THSD7B: variants seen among roughly 807,000 people sequenced by gnomAD.
THSD7B encodes thrombospondin type-1 domain-containing protein 7B.
THSD7B carries 138 observed loss-of-function variants against 213.6 expected under a neutral mutation model. That is an observed-to-expected ratio of 0.65 (90% CI 0.56 to 0.74). THSD7B has a LOEUF of 0.74. Among genes scored for constraint, THSD7B ranks in the 30% least tolerant of loss-of-function variants. The pLI, the probability that THSD7B is intolerant of heterozygous loss-of-function variation, is 0.00. For synonymous variants in THSD7B, 742 were observed against 687.0 expected (o/e 1.08, Z -1.25); for missense variants, 1,931 against 1,991.5 (o/e 0.97, Z 0.58).
intron 2 of THSD7B, among the ~76,000 whole-genome samples, chr2:137,031,904 T>C (rs1449970579): frequency 6.7e-6 from 1 of 150,070 alleles, no homozygotes; most frequent in Non-Finnish European, 1.5e-5. Flanking sequence ...TGCAGTGACA[T>C]GCTCACCGCT....
At chr2:137,217,025 C>T (rs1475975596) in intron 7 of THSD7B, among the ~76,000 whole-genome samples, 1 of 152,090 alleles carries the variant, frequency 6.6e-6, no homozygotes, top group African/African-American at 2.4e-5. Context: ...AATGAGAGCC[C>T]CTTTTGCAAA....
chr2:137,624,265 G>A (rs748180047), intron 20 of THSD7B, among the ~76,000 whole-genome samples: 2 of 152,206 alleles, frequency 1.3e-5, no homozygotes, highest in Non-Finnish European at 2.9e-5. Context: ...TGGGAAAACT[G>A]GCCAGCCAGA....
intron 3 of THSD7B, among the ~76,000 whole-genome samples, chr2:137,077,763 C>G (rs963317012): frequency 1.3e-5 from 2 of 149,450 alleles, no homozygotes; most frequent in African/African-American, 5.1e-5. Context: ...AATTTTCTCC[C>G]ATTCCATAGG....
At position 137,356,252 on chromosome 2, in the gene THSD7B, G is replaced by A. The variant is rs138241270; in HGVS notation, c.2501-49361G>A. ...ACGTACCAGGGCTATACCTATGCCCGCTCAGGGCTACTTTCATGATCCACC... is the reference window on the plus strand; with the variant it reads ...ACGTACCAGGGCTATACCTATGCCCACTCAGGGCTACTTTCATGATCCACC... On this transcript the variant is annotated intron_variant, in intron 12 of 27. Transcript: ENST00000409968. Among the ~76,000 whole-genome samples, 665 of 152,164 alleles carry A rather than the reference G, an allele frequency of 4.4e-3. 4 individuals are homozygous for A. The highest frequency in any genetic ancestry group is 0.016 in the African/African-American group (644 of 41,500).
chr2:137,327,817 T>C (rs1684406181), intron 12 of THSD7B, among the ~76,000 whole-genome samples: 1 of 152,248 alleles, frequency 6.6e-6, no homozygotes. Context: ...ACAGTATTAA[T>C]TAATTATTGT....
chr2:137,149,975 C>T (rs982919861), intron 5 of THSD7B, among the ~76,000 whole-genome samples: 12 of 152,160 alleles, frequency 7.9e-5, no homozygotes, highest in African/African-American at 2.7e-4. Context: ...GGTGCAGTGG[C>T]TCACGCCTGT....
chr2:136,783,118 T>C (rs1475860387), intron 1 of THSD7B, among the ~76,000 whole-genome samples: 1 of 152,202 alleles, frequency 6.6e-6, no homozygotes, highest in Non-Finnish European at 1.5e-5. Flanking sequence ...GTGTTTGCTT[T>C]TGCTCATGTT....
At chr2:137,433,330 G>A (rs1687224819) in intron 14 of THSD7B, among the ~76,000 whole-genome samples, 1 of 151,568 alleles carries the variant, frequency 6.6e-6, no homozygotes, top group Admixed American at 6.6e-5. Context: ...GAACCAATAG[G>A]AATACAATAT....
chr2:137,015,892 C>G (rs765654477), intron 2 of THSD7B, among the ~76,000 whole-genome samples: 4 of 152,062 alleles, frequency 2.6e-5, no homozygotes, highest in Non-Finnish European at 5.9e-5. Flanking sequence ...CCCCTTTCCT[C>G]GAGAGGAGGG....
At chr2:136,887,329 T>TGTGTGTGTGTGTGA (rs1553455589) in intron 2 of THSD7B, among the ~76,000 whole-genome samples, 3 of 151,158 alleles carry the variant, frequency 2.0e-5, no homozygotes, top group Admixed American at 6.6e-5. Context: ...TGTGTGTGTG[T>TGTGTGTGTGTGTGA]GACAGGCTTT....
chr2:137,007,304 A>T (rs1203764851), intron 2 of THSD7B, among the ~76,000 whole-genome samples: 1 of 152,178 alleles, frequency 6.6e-6, no homozygotes, highest in Non-Finnish European at 1.5e-5. Context: ...ATTATGCCTG[A>T]GAATATTTAG....
chr2:136,947,010 A>G (rs1018178678), intron 2 of THSD7B, among the ~76,000 whole-genome samples: 2 of 152,176 alleles, frequency 1.3e-5, no homozygotes, highest in African/African-American at 4.8e-5. Flanking sequence ...AACCAGTCCC[A>G]GTGAGATGAA....
intron 16 of THSD7B, among the ~76,000 whole-genome samples, chr2:137,568,442 A>G (rs143318378): frequency 1.3e-5 from 2 of 152,292 alleles, no homozygotes; most frequent in Non-Finnish European, 1.5e-5. Flanking sequence ...CTCTTATTAA[A>G]TCATATGTGA....
chr2:137,226,865 C>T (rs761513264), intron 7 of THSD7B, among the ~76,000 whole-genome samples: 2 of 146,718 alleles, frequency 1.4e-5, no homozygotes, highest in Non-Finnish European at 3.1e-5. Flanking sequence ...TGAATAAACA[C>T]ATTTCAGTAT....
intron 25 of THSD7B, among the ~76,000 whole-genome samples, chr2:137,663,085 AAG>A (rs1425203281): frequency 5.3e-5 from 8 of 152,018 alleles, no homozygotes; most frequent in Non-Finnish European, 1.2e-4. Flanking sequence ...AAAAGACAAA[AAG>A]AGAGAGGAAA....
chr2:136,855,167 A>G (rs911267556), intron 1 of THSD7B, among the ~76,000 whole-genome samples: 8 of 151,952 alleles, frequency 5.3e-5, no homozygotes. Context: ...CTGTATATTT[A>G]TGTATGCATT....
rs1558827414 is a variant in THSD7B at position 136,855,592 on chromosome 2, TTATTTATTTA to T, written c.-35-26550_-35-26541del. 1.3e-4 allele frequency among the ~76,000 whole-genome samples: 17 copies of T among 128,552 alleles called. No homozygotes were observed. In the East Asian group the frequency reaches 4.0e-3, roughly 30 times the overall value. 84.3% of individuals were successfully genotyped at this position (128,552 alleles called of 152,430 possible). A position where few individuals can be genotyped will look rare whatever the true frequency, so the allele number is the denominator to read the frequency against. On this transcript the variant is annotated intron_variant, in intron 1 of 27. Coordinates refer to ENST00000409968, the MANE Select transcript of THSD7B (RefSeq NM_001316349.2). ...AGGTGCGTGCCACCGCATCCGGCTA[TTATTTATTTA>T]TTATTTATTTATTTATTTATTTATT...
intron 3 of THSD7B, among the ~76,000 whole-genome samples, chr2:137,081,255 G>A (rs1231449768): frequency 6.6e-6 from 1 of 151,856 alleles, no homozygotes; most frequent in Middle Eastern, 3.2e-3. Context: ...TTATTTTGGG[G>A]GAATTTGAGG....
chr2:137,079,701 C>A (rs1359265464), intron 3 of THSD7B, among the ~76,000 whole-genome samples: 4 of 152,228 alleles, frequency 2.6e-5, no homozygotes, highest in African/African-American at 9.6e-5. Flanking sequence ...AATGAATTAA[C>A]CTTATTTACT....
Sources: gnomAD v4.1 joint callset for allele counts (sites outside exome capture counted in the v4.1 genomes callset) on GRCh38, gnomAD v4.1.1 for gene constraint, MANE v1.5 for transcripts, NCBI Gene and HGNC (gene_info 2026-07-23, HGNC 2026-07-21) for gene names.